Variants in GLIS3 observed in about 807,000 individuals in gnomAD.
GLIS3 encodes the protein GLIS family zinc finger 3.
A neutral mutation model predicts 78.6 loss-of-function variants in GLIS3; 53 were observed. The ratio of observed to expected loss-of-function variants is 0.67; its 90% CI spans 0.54 to 0.85. GLIS3 has a LOEUF of 0.85. Among genes scored for constraint, GLIS3 ranks in the 40% least tolerant of loss-of-function variants. The probability of loss-of-function intolerance (pLI) is 0.00; values close to 1 mark genes in which losing one functional copy is unlikely to be tolerated. For synonymous variants in GLIS3, 684 were observed against 509.9 expected (o/e 1.34, Z -4.60); for missense variants, 1,703 against 1,231.1 (o/e 1.38, Z -5.74).
Position 3,851,783 on chromosome 9 carries a change from A to G in GLIS3, c.2473+4226T>C, listed in dbSNP as rs148392914. 4.5e-4 allele frequency among the ~76,000 whole-genome samples: 68 copies of G among 152,326 alleles called. No homozygotes were observed. The East Asian group carries it at 0.013, about 28-fold the overall frequency. ...CACACAGAGCAATCTACATTTCCCC[A>G]TGGAAAAATATAAATGTATATTTAT... On this transcript the variant is annotated intron_variant, in intron 9 of 10. Coordinates refer to ENST00000381971, the MANE Select transcript of GLIS3 (RefSeq NM_001042413.2).
chr9:4,335,698 T>C (rs1275185994), intron 2 of GLIS3, among the ~76,000 whole-genome samples: 2 of 152,156 alleles, frequency 1.3e-5, no homozygotes, highest in Non-Finnish European at 2.9e-5. Context: ...ACCTGAAACA[T>C]CAGGATCTAT....
At chr9:4,309,344 T>G (rs902098794) in intron 3 of GLIS3, among the ~76,000 whole-genome samples, 1 of 152,212 alleles carries the variant, frequency 6.6e-6, no homozygotes, top group Admixed American at 6.5e-5. Context: ...AAGTTAATAC[T>G]TTTTTAAAAA....
chr9:4,311,284 C>T (rs1481510570), intron 2 of GLIS3, among the ~76,000 whole-genome samples: 2 of 152,194 alleles, frequency 1.3e-5, no homozygotes. Context: ...TGGCACATGC[C>T]TGTAATCCCA....
At chr9:4,335,877 C>T (rs1474402031) in intron 2 of GLIS3, among the ~76,000 whole-genome samples, 1 of 152,104 alleles carries the variant, frequency 6.6e-6, no homozygotes, top group African/African-American at 2.4e-5. Flanking sequence ...TGTTTGTATC[C>T]AGTTCCAAGA....
the GLIS3 span, among the ~76,000 whole-genome samples, chr9:4,433,363 CA>C: frequency 2.6e-5 from 4 of 152,130 alleles, no homozygotes; most frequent in African/African-American, 9.6e-5. Flanking sequence ...CCCCAGAAGG[CA>C]AAAGTTGCAG....
upstream of GLIS3, among the ~76,000 whole-genome samples, chr9:4,300,194 C>T (rs1162723284): frequency 7.3e-6 from 1 of 137,788 alleles, no homozygotes; most frequent in African/African-American, 2.7e-5. Context: ...GCTTGTGTCT[C>T]CCTCTTGACG....
At chr9:4,123,537 T>G (rs1397596772) in intron 3 of GLIS3, among the ~76,000 whole-genome samples, 2 of 152,170 alleles carry the variant, frequency 1.3e-5, no homozygotes, top group Non-Finnish European at 2.9e-5. Flanking sequence ...AAGACTAATT[T>G]TTAAAATTAT....
chr9:4,201,530 T>C (rs576219329), intron 2 of GLIS3, among the ~76,000 whole-genome samples: 9 of 152,292 alleles, frequency 5.9e-5, no homozygotes, highest in African/African-American at 4.8e-5. Context: ...AGTGTTTTTA[T>C]ACACTAATAA....
intron 1 of GLIS3, among the ~76,000 whole-genome samples, chr9:4,294,474 T>A (rs1041052290): frequency 6.6e-6 from 1 of 151,990 alleles, no homozygotes; most frequent in Non-Finnish European, 1.5e-5. Flanking sequence ...ACACCATTGC[T>A]TTCCAGCCTG....
At position 4,319,256 on chromosome 9, in the gene GLIS3, AT is replaced by A. The variant is rs1817484223; in HGVS notation, n.265-8729del. Among the ~76,000 whole-genome samples, 10 of 152,324 alleles carry A rather than the reference AT, an allele frequency of 6.6e-5. 1 individual carries two copies. In the South Asian group the frequency reaches 2.1e-3, roughly 32 times the overall value. ...CATCATACTGTGGTTATGTTAGAAA[AT>A]ATCACTGTACTTAGGGGCAACATTC... On this transcript the variant is annotated intron_variant and non_coding_transcript_variant, in intron 2 of 4. Transcript: ENST00000471664.
intron 2 of GLIS3, among the ~76,000 whole-genome samples, chr9:4,155,048 T>C (rs1168019925): frequency 6.6e-6 from 1 of 152,200 alleles, no homozygotes; most frequent in Admixed American, 6.5e-5. Flanking sequence ...ACAAGACACA[T>C]GCATGTATTT....
intron 4 of GLIS3, among the ~76,000 whole-genome samples, chr9:4,062,428 T>C (rs1171637949): frequency 6.6e-6 from 1 of 152,198 alleles, no homozygotes; most frequent in Non-Finnish European, 1.5e-5. Context: ...GCTTTAATCA[T>C]ACAAAATATC....
intron 2 of GLIS3, among the ~76,000 whole-genome samples, chr9:4,129,783 G>A (rs1586754832): frequency 6.6e-6 from 1 of 152,208 alleles, no homozygotes; most frequent in East Asian, 1.9e-4. Flanking sequence ...CATGATACCT[G>A]AAAATGTGGA....
In GLIS3 at chr9:4,140,679, G is replaced by C. The variant is rs376687426; in HGVS notation, c.389-14738C>G. Among the ~76,000 whole-genome samples the C allele has an allele frequency of 1.1e-3, 174 of 152,172 alleles. 2 individuals carry two copies. Among genetic ancestry groups the C allele is most frequent in the African/African-American group, 4.0e-3 (167 of 41,528 alleles). ...GTAATTGTTAACTCTGAGCTCCAAA[G>C]CCCATTCAGCAGCTCATGTTTATGG... On this transcript the variant is annotated intron_variant, in intron 2 of 10. Coordinates refer to ENST00000381971, the MANE Select transcript of GLIS3 (RefSeq NM_001042413.2).
chr9:4,256,226 T>C (rs534119855), intron 2 of GLIS3, among the ~76,000 whole-genome samples: 12 of 152,312 alleles, frequency 7.9e-5, no homozygotes, highest in African/African-American at 2.6e-4. Context: ...TATTTAATTC[T>C]AATTTGGGGG....
intron 2 of GLIS3, among the ~76,000 whole-genome samples, chr9:4,260,363 A>C (rs1250673575): frequency 6.6e-6 from 1 of 152,064 alleles, no homozygotes; most frequent in East Asian, 1.9e-4. Context: ...TCAGGAGTTC[A>C]AGACCAGCCT....
chr9:4,348,005 G>T (rs768848899), intron 1 of GLIS3, among the ~76,000 whole-genome samples: 4 of 152,130 alleles, frequency 2.6e-5, no homozygotes, highest in Non-Finnish European at 4.4e-5. Context: ...GACAGGATAT[G>T]CCAAAAACCA....
chr9:3,969,775 G>A (rs940576830), intron 4 of GLIS3, among the ~76,000 whole-genome samples: 9 of 152,116 alleles, frequency 5.9e-5, no homozygotes, highest in African/African-American at 1.9e-4. Context: ...AGCCCCAGAT[G>A]GTTGCTTTCA....
chr9:3,897,456 A>G (rs893895179), intron 7 of GLIS3, among the ~76,000 whole-genome samples: 4 of 152,058 alleles, frequency 2.6e-5, no homozygotes, highest in Non-Finnish European at 5.9e-5. Context: ...TATATTTAAT[A>G]CAAAATATTT....
Sources: allele counts gnomAD v4.1 joint callset (sites outside exome capture counted in the v4.1 genomes callset), GRCh38; gene constraint gnomAD v4.1.1; transcripts MANE v1.5; gene names NCBI Gene and HGNC (gene_info 2026-07-23, HGNC 2026-07-21).